Variants in ADGRL3 observed in about 807,000 individuals in gnomAD.
ADGRL3 encodes calcium-independent alpha-latrotoxin receptor 3.
A neutral mutation model predicts 153.5 loss-of-function variants in ADGRL3; 62 were observed. The observed-to-expected ratio is 0.40, with a 90% CI of 0.33 to 0.50. The LOEUF (loss-of-function observed/expected upper bound fraction) is 0.50. Ranked by LOEUF, ADGRL3 falls within the 20% of genes least tolerant of loss-of-function variation. The pLI is 0.47. For missense variants in ADGRL3, 1,641 were observed against 1,859.4 expected (o/e 0.88, Z 2.16); for synonymous variants, 710 against 672.5 (o/e 1.06, Z -0.86).
At chr4:61,218,728 G>C (rs1744029517) in intron 1 of ADGRL3, among the ~76,000 whole-genome samples, 1 of 152,134 alleles carries the variant, frequency 6.6e-6, no homozygotes, top group African/African-American at 2.4e-5. Flanking sequence ...TCCTGAAGAA[G>C]GGAACCTCCT....
chr4:61,391,751 C>A (rs2096805306), intron 2 of ADGRL3, among the ~76,000 whole-genome samples: 1 of 151,324 alleles, frequency 6.6e-6, no homozygotes, highest in African/African-American at 2.4e-5. Context: ...CTTCTTCAAA[C>A]ACTGGATTTT....
At chr4:61,500,417 TA>T (rs535198539) in intron 3 of ADGRL3, among the ~76,000 whole-genome samples, 1 of 152,290 alleles carries the variant, frequency 6.6e-6, no homozygotes, top group East Asian at 1.9e-4. Context: ...AACTTGCTCA[TA>T]AATAGAAAAA....
At chr4:61,493,538 G>C (rs2098279534) in intron 2 of ADGRL3, among the ~76,000 whole-genome samples, 1 of 152,178 alleles carries the variant, frequency 6.6e-6, no homozygotes, top group South Asian at 2.1e-4. Context: ...TGAAGCCAGA[G>C]TTAACAATAG....
intron 9 of ADGRL3, among the ~76,000 whole-genome samples, chr4:61,824,923 G>A (rs2097787561): frequency 6.6e-6 from 1 of 152,118 alleles, no homozygotes; most frequent in South Asian, 2.1e-4. Context: ...AGTAGGGGTT[G>A]GAATTGTTAT....
At chr4:61,390,443 A>G (rs2096789433) in intron 2 of ADGRL3, among the ~76,000 whole-genome samples, 1 of 152,180 alleles carries the variant, frequency 6.6e-6, no homozygotes, top group Admixed American at 6.5e-5. Context: ...GTTCTGAGCT[A>G]TAAATATTTA....
chr4:61,441,686 A>AT (rs769324710), intron 2 of ADGRL3, among the ~76,000 whole-genome samples: 5 of 151,756 alleles, frequency 3.3e-5, no homozygotes, highest in Non-Finnish European at 7.4e-5. Context: ...CGCCTGGCTA[A>AT]TTTTTTTTCT....
At position 61,200,781 on chromosome 4, in the gene ADGRL3, C is replaced by T. The variant is rs939137636; in HGVS notation, c.-1224C>T. 2.0e-5 allele frequency among the ~76,000 whole-genome samples: 3 copies of T among 152,152 alleles called. No homozygotes were observed. The highest frequency in any genetic ancestry group is 4.4e-5 in the Non-Finnish European group (3 of 68,030). On this transcript the variant is annotated 5_prime_UTR_variant, in exon 1 of 27. Coordinates refer to ENST00000683033, the MANE Select transcript of ADGRL3 (RefSeq NM_001387552.1). ...TTGGGGAGTCGAAGAAGAGAAAGAA[C>T]CGAAGAGACAGCGGCGGCGGCGCAG...
intron 5 of ADGRL3, among the ~76,000 whole-genome samples, chr4:61,588,450 T>C (rs60279254): frequency 0.037 from 5,573 of 152,006 alleles, 243 homozygotes; most frequent in East Asian, 0.25. Context: ...AGTCAATATG[T>C]TATTTTTATA....
chr4:61,604,143 G>C (rs922887003), intron 5 of ADGRL3, among the ~76,000 whole-genome samples: 4 of 152,104 alleles, frequency 2.6e-5, no homozygotes, highest in African/African-American at 9.7e-5. Flanking sequence ...AGGTTAAAAG[G>C]CCACAAAGTG....
At chr4:61,900,421 G>A (rs985704147) in intron 11 of ADGRL3, among the ~76,000 whole-genome samples, 4 of 152,172 alleles carry the variant, frequency 2.6e-5, no homozygotes, top group African/African-American at 4.8e-5. Flanking sequence ...ATTAAATTCT[G>A]TGTGACACTA....
At chr4:61,451,600 G>A (rs2097674726) in intron 2 of ADGRL3, among the ~76,000 whole-genome samples, 2 of 152,102 alleles carry the variant, frequency 1.3e-5, no homozygotes, top group Admixed American at 6.6e-5. Context: ...TATAAATGGA[G>A]GTTTATTCTT....
intron 1 of ADGRL3, among the ~76,000 whole-genome samples, chr4:61,342,148 A>G (rs1444510824): frequency 6.6e-6 from 1 of 152,116 alleles, no homozygotes; most frequent in Non-Finnish European, 1.5e-5. Context: ...CCGGCATTTC[A>G]AATTTTCCTT....
chr4:61,857,722 T>A, intron 9 of ADGRL3, among the ~76,000 whole-genome samples: 1 of 148,300 alleles, frequency 6.7e-6, no homozygotes, highest in Admixed American at 6.7e-5. Flanking sequence ...CTCCTTTCTT[T>A]CTTCTCTCTT....
intron 2 of ADGRL3, among the ~76,000 whole-genome samples, chr4:61,456,049 C>T (rs961380170): frequency 2.0e-5 from 3 of 151,882 alleles, no homozygotes; most frequent in Non-Finnish European, 4.4e-5. Flanking sequence ...CTCCTAGCAT[C>T]AGGTTATCCA....
intron 2 of ADGRL3, among the ~76,000 whole-genome samples, chr4:61,478,607 C>G (rs2098093938): frequency 6.6e-6 from 1 of 152,046 alleles, no homozygotes; most frequent in South Asian, 2.1e-4. Flanking sequence ...ATCTGAATCT[C>G]TACAAAATCT....
intron 9 of ADGRL3, among the ~76,000 whole-genome samples, chr4:61,887,749 G>A (rs2098547771): frequency 6.6e-6 from 1 of 152,158 alleles, no homozygotes; most frequent in Non-Finnish European, 1.5e-5. Context: ...GGAGGCTGAG[G>A]CAGGAGAATC....
At chr4:61,833,958 C>CTTTTTTTT (rs113049750) in intron 9 of ADGRL3, among the ~76,000 whole-genome samples, 5 of 123,454 alleles carry the variant, frequency 4.1e-5, no homozygotes, top group East Asian at 2.5e-4. Flanking sequence ...AAGGCAGCTT[C>CTTTTTTTT]TTTTTTTTTT....
At chr4:61,699,886 T>C (rs1056214629) in intron 6 of ADGRL3, among the ~76,000 whole-genome samples, 1 of 151,962 alleles carries the variant, frequency 6.6e-6, no homozygotes, top group Non-Finnish European at 1.5e-5. Flanking sequence ...GGATAAACTA[T>C]GCTTATAAGA....
At chr4:61,982,792 T>G (rs529407540) in intron 18 of ADGRL3, among the ~76,000 whole-genome samples, 46 of 152,300 alleles carry the variant, frequency 3.0e-4, no homozygotes, top group African/African-American at 1.1e-3. Flanking sequence ...TTATTCATGT[T>G]CACCATGAAT....
Sources: allele counts gnomAD v4.1 joint callset (sites outside exome capture counted in the v4.1 genomes callset), GRCh38; gene constraint gnomAD v4.1.1; transcripts MANE v1.5; gene names NCBI Gene and HGNC (gene_info 2026-07-23, HGNC 2026-07-21).